The following COL19A1 variants were observed in gnomAD, a reference collection of about 807,000 sequenced individuals.
COL19A1 encodes collagen alpha-1(XIX) chain.
In COL19A1, 159 loss-of-function variants were observed where a neutral mutation model predicts 190.2. The ratio of observed to expected loss-of-function variants is 0.84; its 90% confidence interval spans 0.73 to 0.95. The LOEUF (loss-of-function observed/expected upper bound fraction) is 0.95. Among genes scored for constraint, COL19A1 ranks in the 40% least tolerant of loss-of-function variants. The pLI is 0.00. For missense variants in COL19A1, 1,418 were observed against 1,431.9 expected (o/e 0.99, Z 0.16); for synonymous variants, 509 against 458.9 (o/e 1.11, Z -1.39).
At chr6:70,128,408 C>T (rs939403514) in intron 17 of COL19A1, among the ~76,000 whole-genome samples, 9 of 151,954 alleles carry the variant, frequency 5.9e-5, no homozygotes, top group Non-Finnish European at 1.0e-4. Context: ...TGAGGGAAGA[C>T]GAAGTCACAG....
In COL19A1 at chr6:70,130,179, T is replaced by A; in HGVS notation, c.1342-3T>A. 6.2e-7 allele frequency: 1 copy of A among 1,612,348 alleles called. No individual in the cohort carries two copies. Reference sequence around the variant, plus strand: ...TGTATTTTAAATTGTTTTTCACCCCTAGGGAAATGATGAACATGAAGCTGG... The same window carrying A: ...TGTATTTTAAATTGTTTTTCACCCCAAGGGAAATGATGAACATGAAGCTGG... On this transcript the variant is annotated splice_polypyrimidine_tract_variant and splice_region_variant and intron_variant, in intron 17 of 50. Transcript: ENST00000620364.
At chr6:70,016,429 A>G (rs1301236730) in intron 11 of COL19A1, among the ~76,000 whole-genome samples, 1 of 140,044 alleles carries the variant, frequency 7.1e-6, no homozygotes, top group Non-Finnish European at 1.5e-5. Flanking sequence ...AAACATGGAA[A>G]TGTTTGTTAT....
rs373509879 is a variant in COL19A1, at chr6:70,035,870, G to C, written c.1135-34G>C. ...ATAAATAATGTGCAAAAAGGGACTA[G>C]TGGTAATTGTAGCTTTTCTTTAATC... On this transcript the variant is annotated intron_variant, in intron 13 of 50. Coordinates refer to ENST00000620364, the MANE Select transcript of COL19A1 (RefSeq NM_001858.6). 349 of 1,592,436 alleles carry C rather than the reference G, an allele frequency of 2.2e-4. 3 individuals carry two copies. The African/African-American group carries it at 4.0e-3, about 18-fold the overall frequency.
chr6:70,204,170 G>T lies in COL19A1; in HGVS notation c.3224-2731G>T, dbSNP rs1767722573. ...GCCACTGTGCCTTGCCCATCCTGTA[G>T]ACTTATCGTATATGGAAATACATGT... is the stretch of plus-strand genomic sequence containing the variant. On this transcript the variant is annotated intron_variant, in intron 49 of 50. Transcript: ENST00000620364. Among the ~76,000 whole-genome samples, 2 of 152,030 alleles carry T rather than the reference G, an allele frequency of 1.3e-5. 1 individual carries two copies. Among genetic ancestry groups the T allele is most frequent in the South Asian group, 4.1e-4 (2 of 4,822 alleles).
intron 16 of COL19A1, among the ~76,000 whole-genome samples, chr6:70,112,676 GA>G (rs1294473962): frequency 2.6e-5 from 4 of 152,108 alleles, no homozygotes; most frequent in Non-Finnish European, 4.4e-5. Flanking sequence ...GCATAATTTA[GA>G]AAATCTGCTT....
intron 11 of COL19A1, among the ~76,000 whole-genome samples, chr6:69,967,921 G>A (rs1178214743): frequency 7.1e-6 from 1 of 141,580 alleles, no homozygotes; most frequent in Non-Finnish European, 1.5e-5. Flanking sequence ...CTATAACGTA[G>A]CGTAAAGTAC....
At chr6:69,906,110 T>G (rs1434868991) in intron 4 of COL19A1, among the ~76,000 whole-genome samples, 1 of 152,202 alleles carries the variant, frequency 6.6e-6, no homozygotes, top group Admixed American at 6.5e-5. Flanking sequence ...CAAACACACA[T>G]ACTATAGAGT....
At chr6:70,190,498 G>A (rs1766798011) in intron 48 of COL19A1, 117 bp downstream of exon 48, 1 of 674,728 alleles carries the variant, frequency 1.5e-6, no homozygotes, top group Admixed American at 3.1e-5. Flanking sequence ...AACCTTAAGG[G>A]GCAGCCCATT....
At chr6:69,928,921 C>T (rs938274902) in intron 5 of COL19A1, among the ~76,000 whole-genome samples, 3 of 152,056 alleles carry the variant, frequency 2.0e-5, no homozygotes, top group Non-Finnish European at 4.4e-5. Context: ...AGTATGTCCT[C>T]TATAAAATGT....
At chr6:70,152,108 A>T (rs1787100900) in intron 31 of COL19A1, among the ~76,000 whole-genome samples, 1 of 151,568 alleles carries the variant, frequency 6.6e-6, no homozygotes, top group African/African-American at 2.4e-5. Context: ...AAGGGTATGT[A>T]TTTGCATGTT....
intron 11 of COL19A1, among the ~76,000 whole-genome samples, chr6:70,005,709 G>T (rs962562112): frequency 6.6e-6 from 1 of 152,138 alleles, no homozygotes; most frequent in African/African-American, 2.4e-5. Flanking sequence ...TTGCTAGGGG[G>T]AAACCCACTT....
chr6:70,146,011 A>G (rs183215728), intron 25 of COL19A1, among the ~76,000 whole-genome samples: 1 of 152,096 alleles, frequency 6.6e-6, no homozygotes, highest in African/African-American at 2.4e-5. Flanking sequence ...ATCTTACTCT[A>G]TAAATCAGAG....
intron 16 of COL19A1, among the ~76,000 whole-genome samples, chr6:70,118,500 C>A (rs1032638420): frequency 6.6e-6 from 1 of 152,160 alleles, no homozygotes; most frequent in African/African-American, 2.4e-5. Flanking sequence ...GTATTGCCTG[C>A]AGGGTAGACG....
At position 69,975,615 on chromosome 6, in the gene COL19A1, C is replaced by G. The variant is rs527653206; in HGVS notation, c.1026+12745C>G. ...GCTGCCTTTATTCTGGGGATTTAAG[C>G]CTGATGTTTCTGTTTGTTAACGTTA... is the stretch of plus-strand genomic sequence containing the variant. On this transcript the variant is annotated intron_variant, in intron 11 of 50. Coordinates refer to ENST00000620364, the MANE Select transcript of COL19A1 (RefSeq NM_001858.6). Among the ~76,000 whole-genome samples the G allele has an allele frequency of 2.0e-5, 3 of 152,246 alleles. No individual in the cohort carries two copies. In the South Asian group the frequency reaches 6.2e-4, roughly 32 times the overall value.
At chr6:69,942,740 ATGTGTGTGTGTGTG>A (rs35406948) in intron 9 of COL19A1, among the ~76,000 whole-genome samples, 5 of 146,586 alleles carry the variant, frequency 3.4e-5, no homozygotes, top group African/African-American at 1.3e-4. Flanking sequence ...CATTGTGTGT[ATGTGTGTGTGTGTG>A]TGTGTGTGTG....
chr6:70,016,380 A>C (rs1582686099), intron 11 of COL19A1, among the ~76,000 whole-genome samples: 1 of 130,428 alleles, frequency 7.7e-6, no homozygotes, highest in East Asian at 2.3e-4. Context: ...AAAAAAAAAA[A>C]AAAACACATG....
chr6:70,042,526 G>T (rs964766983), intron 14 of COL19A1, among the ~76,000 whole-genome samples: 5 of 152,160 alleles, frequency 3.3e-5, no homozygotes, highest in African/African-American at 1.2e-4. Context: ...GGAGGGTCTT[G>T]CCTCCATATT....
intron 4 of COL19A1, among the ~76,000 whole-genome samples, chr6:69,924,263 C>T (rs1011798076): frequency 1.3e-5 from 2 of 152,000 alleles, no homozygotes; most frequent in South Asian, 4.2e-4. Context: ...TCCCCCCACC[C>T]CATGACAGGC....
chr6:70,154,356 C>G (rs916594445), intron 31 of COL19A1, among the ~76,000 whole-genome samples: 1 of 152,090 alleles, frequency 6.6e-6, no homozygotes, highest in African/African-American at 2.4e-5. Flanking sequence ...TCCAGTCTAT[C>G]ATTGATGGGC....
Sources: gnomAD v4.1 joint callset for allele counts (sites outside exome capture counted in the v4.1 genomes callset) on GRCh38, gnomAD v4.1.1 for gene constraint, MANE v1.5 for transcripts, NCBI Gene and HGNC (gene_info 2026-07-23, HGNC 2026-07-21) for gene names.